The following LRRC28 variants were observed in gnomAD, a reference collection of about 807,000 sequenced individuals.
LRRC28 encodes leucine-rich repeat-containing protein 28.
In LRRC28, 39 loss-of-function variants were observed where a neutral mutation model predicts 45.7. The observed-to-expected ratio is 0.85, with a 90% CI of 0.66 to 1.12. The LOEUF (loss-of-function observed/expected upper bound fraction) is 1.12, where lower values mean the gene tolerates loss of function less well. LRRC28 is among the 50% of genes most tolerant of loss of function. LRRC28 has a pLI of 0.00. For synonymous variants in LRRC28, 206 were observed against 178.8 expected (o/e 1.15, Z -1.22); for missense variants, 435 against 438.5 (o/e 0.99, Z 0.07).
At chr15:99,322,792 A>G (rs1955844110) in intron 5 of LRRC28, among the ~76,000 whole-genome samples, 1 of 152,152 alleles carries the variant, frequency 6.6e-6, no homozygotes, top group Non-Finnish European at 1.5e-5. Flanking sequence ...TGTTGTTGCA[A>G]AGGTGGGCAA....
intron 2 of LRRC28, 114 bp downstream of exon 2, chr15:99,256,239 A>T: frequency 1.4e-6 from 1 of 710,318 alleles, no homozygotes; most frequent in Non-Finnish European, 2.1e-6. Flanking sequence ...GTTGTTATAT[A>T]TACAGTTAAT....
intron 5 of LRRC28, among the ~76,000 whole-genome samples, chr15:99,288,370 A>C (rs1024474109): frequency 2.6e-5 from 3 of 114,300 alleles, no homozygotes; most frequent in African/African-American, 6.7e-5. Flanking sequence ...ATGTACATTA[A>C]CTTTTTTTTT....
At chr15:99,300,488 TTAATC>T (rs148218732) in intron 5 of LRRC28, among the ~76,000 whole-genome samples, 15,235 of 152,152 alleles carry the variant, frequency 0.1, 906 homozygotes, top group African/African-American at 0.18. Flanking sequence ...AAAATAGTGT[TTAATC>T]TAAAGCAGAA....
At chr15:99,256,382 A>G in intron 2 of LRRC28, 1 of 262,306 alleles carries the variant, frequency 3.8e-6, no homozygotes, top group Admixed American at 5.2e-5. Flanking sequence ...GTTAGTACCC[A>G]TTCAGAAACC....
At chr15:99,275,448 G>C (rs1256689909) in intron 2 of LRRC28, among the ~76,000 whole-genome samples, 1 of 152,184 alleles carries the variant, frequency 6.6e-6, no homozygotes, top group Non-Finnish European at 1.5e-5. Flanking sequence ...CTGTTCATTT[G>C]GAGCTTAGTC....
At chr15:99,338,952 C>G (rs1241235183) in intron 6 of LRRC28, among the ~76,000 whole-genome samples, 2 of 152,118 alleles carry the variant, frequency 1.3e-5, no homozygotes, top group East Asian at 1.9e-4. Flanking sequence ...ACAGAAGATT[C>G]TACAGATAGA....
intron 2 of LRRC28, among the ~76,000 whole-genome samples, chr15:99,263,844 T>C (rs910048992): frequency 2.0e-5 from 3 of 151,262 alleles, no homozygotes; most frequent in African/African-American, 7.3e-5. Context: ...TGACAATAGA[T>C]ACATCATGGA....
At chr15:99,369,212 GC>G (rs1437955339) in intron 9 of LRRC28, among the ~76,000 whole-genome samples, 1 of 151,958 alleles carries the variant, frequency 6.6e-6, no homozygotes, top group Non-Finnish European at 1.5e-5. Flanking sequence ...TCTTTTGTGA[GC>G]CCTCACTAGA....
intron 6 of LRRC28, among the ~76,000 whole-genome samples, chr15:99,347,742 G>A (rs1956740923): frequency 6.6e-6 from 1 of 152,182 alleles, no homozygotes; most frequent in Non-Finnish European, 1.5e-5. Flanking sequence ...GAATATGGGA[G>A]TGCAGATGTC....
chr15:99,376,869 T>C (rs1957653070), intron 9 of LRRC28, among the ~76,000 whole-genome samples: 1 of 152,220 alleles, frequency 6.6e-6, no homozygotes, highest in African/African-American at 2.4e-5. Context: ...ACAAAGGACA[T>C]GAACTCATCC....
At chr15:99,281,487 A>G (rs2043651989) in intron 3 of LRRC28, among the ~76,000 whole-genome samples, 2 of 151,038 alleles carry the variant, frequency 1.3e-5, no homozygotes, top group Admixed American at 1.3e-4. Context: ...TAATGTTCAT[A>G]TTTTCATTTA....
At chr15:99,265,158 C>G (rs376637100) in intron 2 of LRRC28, among the ~76,000 whole-genome samples, 3 of 152,090 alleles carry the variant, frequency 2.0e-5, no homozygotes, top group Non-Finnish European at 4.4e-5. Context: ...TATGGTGGAA[C>G]CTTCTGCTCG....
intron 2 of LRRC28, chr15:99,256,379 C>T (rs2081022482): frequency 1.1e-5 from 3 of 270,920 alleles, no homozygotes; most frequent in Non-Finnish European, 2.1e-5. Flanking sequence ...AAAGTTAGTA[C>T]CCATTCAGAA....
chr15:99,258,260 A>G (rs565313312), intron 2 of LRRC28: 126 of 1,577,390 alleles, frequency 8.0e-5, no homozygotes, highest in Non-Finnish European at 1.0e-4. Flanking sequence ...TGTCACTTCA[A>G]AACACAACAA....
At chr15:99,307,667 C>T (rs1353265217) in intron 5 of LRRC28, among the ~76,000 whole-genome samples, 1 of 152,184 alleles carries the variant, frequency 6.6e-6, no homozygotes, top group African/African-American at 2.4e-5. Context: ...TTTCTATCCT[C>T]TTAGAGTCCA....
chr15:99,297,447 A>G (rs1288735816), intron 5 of LRRC28: 1 of 126,212 alleles, frequency 7.9e-6, no homozygotes, highest in Non-Finnish European at 1.6e-5. Flanking sequence ...TTTTTTTGGT[A>G]GAGGTGGGGT....
At chr15:99,369,607 A>T (rs1447597869) in intron 9 of LRRC28, among the ~76,000 whole-genome samples, 1 of 152,170 alleles carries the variant, frequency 6.6e-6, no homozygotes, top group Non-Finnish European at 1.5e-5. Context: ...AACTAATTGG[A>T]TGAGGCCCAC....
chr15:99,296,374 G>A, intron 5 of LRRC28, among the ~76,000 whole-genome samples: 1 of 152,204 alleles, frequency 6.6e-6, no homozygotes, highest in East Asian at 1.9e-4. Context: ...AAAACACGCA[G>A]TGTGTTATTG....
At chr15:99,274,784 T>A (rs1168615282) in intron 2 of LRRC28, among the ~76,000 whole-genome samples, 1 of 152,162 alleles carries the variant, frequency 6.6e-6, no homozygotes, top group Non-Finnish European at 1.5e-5. Flanking sequence ...GCAGAATGGA[T>A]TGTATTTGCA....
Sources: gnomAD v4.1 joint callset for allele counts (sites outside exome capture counted in the v4.1 genomes callset) on GRCh38, gnomAD v4.1.1 for gene constraint, MANE v1.5 for transcripts, NCBI Gene and HGNC (gene_info 2026-07-23, HGNC 2026-07-21) for gene names.